PARM1: variants seen among roughly 807,000 people sequenced by gnomAD.
The protein encoded by PARM1 is prostate androgen-regulated mucin-like protein 1, also known as WSC4, cell wall integrity and stress response component 4 homolog.
A neutral mutation model predicts 24.6 loss-of-function variants in PARM1; 14 were observed. The ratio of observed to expected loss-of-function variants is 0.57; its 90% CI spans 0.38 to 0.89. The LOEUF (loss-of-function observed/expected upper bound fraction) is 0.89. Among genes scored for constraint, PARM1 ranks in the 40% least tolerant of loss-of-function variants. The pLI is 0.00. For synonymous variants in PARM1, 179 were observed against 156.6 expected, an observed-to-expected ratio of 1.14 and a Z score of -1.07; for missense variants, 362 against 380.4, an observed-to-expected ratio of 0.95 and a Z score of 0.40.
chr4:75,025,325 C>G lies in PARM1; in HGVS notation c.770-8558C>G, dbSNP rs549576700. On this transcript the variant is annotated intron_variant, in intron 2 of 3. Transcript: ENST00000307428. ...GATCCCAGACACTTAGCTGGAGTTG[C>G]TATGTGTTAATCGGTTGTTCTAAGG... Among the ~76,000 whole-genome samples the G allele has an allele frequency of 4.6e-5, 7 of 152,272 alleles. No individual in the cohort carries two copies. The South Asian group carries it at 1.0e-3, about 23-fold the overall frequency.
chr4:74,955,392 C>G (rs1411443139), intron 1 of PARM1, among the ~76,000 whole-genome samples: 1 of 152,154 alleles, frequency 6.6e-6, no homozygotes, highest in Non-Finnish European at 1.5e-5. Flanking sequence ...AACCTGAGGC[C>G]TATCTAAACA....
At chr4:74,993,036 T>C (rs911152155) in intron 1 of PARM1, among the ~76,000 whole-genome samples, 1 of 152,200 alleles carries the variant, frequency 6.6e-6, no homozygotes, top group Non-Finnish European at 1.5e-5. Flanking sequence ...GTAATCCTCT[T>C]CCCTTGTATG....
chr4:74,970,074 C>G (rs1249916728), intron 1 of PARM1: 2 of 152,206 alleles, frequency 1.3e-5, no homozygotes, highest in Non-Finnish European at 2.9e-5. Flanking sequence ...TCAGTATCTC[C>G]ACTCACATGT....
chr4:74,989,459 G>C (rs1722420347), intron 1 of PARM1, among the ~76,000 whole-genome samples: 1 of 152,182 alleles, frequency 6.6e-6, no homozygotes, highest in South Asian at 2.1e-4. Context: ...GCCAAATAAA[G>C]AGACGAATAG....
chr4:75,011,910 C>T (rs765295387), intron 1 of PARM1, among the ~76,000 whole-genome samples: 7 of 152,184 alleles, frequency 4.6e-5, no homozygotes, highest in African/African-American at 4.8e-5. Context: ...GGATAGCCCT[C>T]AAGACATGGA....
intron 1 of PARM1, among the ~76,000 whole-genome samples, chr4:74,976,789 C>T (rs1722144744): frequency 6.6e-6 from 1 of 152,200 alleles, no homozygotes; most frequent in East Asian, 1.9e-4. Context: ...ACTGCTGACA[C>T]CTCCAGGTGC....
In PARM1 at chr4:75,012,851, C is replaced by T. The variant is rs1195725535; in HGVS notation, c.470C>T (p.Ser157Leu). 5.0e-6 allele frequency: 8 copies of T among 1,613,962 alleles called. No homozygotes were observed. The highest frequency in any genetic ancestry group is 1.1e-5 in the South Asian group (1 of 91,078). Residue 157 changes from serine to leucine, a missense_variant, in exon 2 of 4, where the codon TCA (serine) becomes TTA (leucine). By Grantham distance (145) the Ser-to-Leu change is moderately radical. Coordinates refer to ENST00000307428, the MANE Select transcript of PARM1 (RefSeq NM_015393.4). ...ATCTCCCCTCAAGCTCCAGCCTCAT[C>T]ACCCTCATCCCTATCAACCTCACCA... ...TLISPQAPAS[S>L]PSSLSTSPPE...
intron 1 of PARM1, among the ~76,000 whole-genome samples, chr4:74,964,577 A>ACACACACT (rs377411929): frequency 7.2e-5 from 11 of 152,044 alleles, no homozygotes; most frequent in African/African-American, 1.9e-4. Flanking sequence ...ACACACACAC[A>ACACACACT]CATTGCATCC....
intron 1 of PARM1, among the ~76,000 whole-genome samples, chr4:74,960,041 G>A (rs1378304255): frequency 6.6e-6 from 1 of 152,216 alleles, no homozygotes; most frequent in Non-Finnish European, 1.5e-5. Context: ...CCATTTTCCA[G>A]CCCCATGGCA....
chr4:74,973,494 AC>A (rs1722081341), intron 1 of PARM1, among the ~76,000 whole-genome samples: 1 of 124,694 alleles, frequency 8.0e-6, no homozygotes, highest in East Asian at 2.2e-4. Context: ...GTTATATATC[AC>A]AGTCCAGGGA....
In PARM1 at chr4:75,046,570, G is replaced by C. The variant is rs927030368; in HGVS notation, c.*323G>C. 3 of 214,944 alleles carry C rather than the reference G, an allele frequency of 1.4e-5. No individual in the cohort carries two copies. Among genetic ancestry groups the C allele is most frequent in the Non-Finnish European group, 2.8e-5 (3 of 107,552 alleles). 13.3% of individuals were successfully genotyped at this position (214,944 alleles called of 1,614,324 possible). ...TGAGAAGGACCGAGGAGGAGGATTT[G>C]GGTTGTTTTGTTAGGGGTTACTTTC... is the stretch of plus-strand genomic sequence containing the variant. On this transcript the variant is annotated 3_prime_UTR_variant, in exon 4 of 4. Transcript: ENST00000307428.
chr4:75,046,081 C>T (rs996258113), intron 3 of PARM1, 82 bp from the exon 4 acceptor site: 134 of 859,628 alleles, frequency 1.6e-4, no homozygotes, highest in Non-Finnish European at 1.8e-4. Context: ...ATAAGCATCC[C>T]CAGTTCAGTG....
intron 1 of PARM1, among the ~76,000 whole-genome samples, chr4:74,940,575 T>G (rs1476296284): frequency 6.6e-6 from 1 of 152,216 alleles, no homozygotes; most frequent in Non-Finnish European, 1.5e-5. Context: ...CCCCACCTCC[T>G]AATACCATCT....
intron 1 of PARM1, among the ~76,000 whole-genome samples, chr4:74,944,402 T>G (rs78390007): frequency 7.2e-5 from 11 of 152,264 alleles, no homozygotes; most frequent in African/African-American, 2.4e-4. Context: ...AAGGGCAGGC[T>G]CTCAGCCATC....
chr4:75,009,823 T>C (rs1176823008), intron 1 of PARM1, among the ~76,000 whole-genome samples: 1 of 152,240 alleles, frequency 6.6e-6, no homozygotes, highest in East Asian at 1.9e-4. Flanking sequence ...ACCAGGTCAC[T>C]GTGCCCTCAT....
intron 2 of PARM1, among the ~76,000 whole-genome samples, chr4:75,029,340 T>G (rs1055191096): frequency 1.3e-5 from 2 of 152,144 alleles, no homozygotes; most frequent in Admixed American, 6.5e-5. Flanking sequence ...CTTGGTATGG[T>G]TTGGCTGTGT....
chr4:75,001,705 C>A (rs761893717), intron 1 of PARM1, among the ~76,000 whole-genome samples: 1 of 152,066 alleles, frequency 6.6e-6, no homozygotes, highest in Non-Finnish European at 1.5e-5. Flanking sequence ...TCGGTGAAAA[C>A]CCTTAGAAGA....
At chr4:75,045,143 C>T (rs947440505) in intron 3 of PARM1, among the ~76,000 whole-genome samples, 1 of 152,090 alleles carries the variant, frequency 6.6e-6, no homozygotes, top group African/African-American at 2.4e-5. Context: ...GTGTGGAGAC[C>T]TGGAGGACAA....
intron 1 of PARM1, among the ~76,000 whole-genome samples, chr4:74,954,241 G>T (rs576583233): frequency 2.0e-5 from 3 of 152,204 alleles, no homozygotes; most frequent in Non-Finnish European, 4.4e-5. Flanking sequence ...CTTAATCAGC[G>T]TTGAGTTTTT....
Sources: allele counts gnomAD v4.1 joint callset (sites outside exome capture counted in the v4.1 genomes callset), GRCh38; gene constraint gnomAD v4.1.1; transcripts MANE v1.5; gene names NCBI Gene and HGNC (gene_info 2026-07-23, HGNC 2026-07-21).